The following SLCO3A1 variants were observed in gnomAD, a reference collection of about 807,000 sequenced individuals.
The protein encoded by SLCO3A1 is PGE1 transporter.
Under a neutral mutation model 63.1 loss-of-function variants are expected in SLCO3A1, and 27 were observed. The observed-to-expected ratio is 0.43, with a 90% CI of 0.32 to 0.59. SLCO3A1 has a LOEUF of 0.59. Among genes scored for constraint, SLCO3A1 ranks in the 20% least tolerant of loss-of-function variants. The probability of loss-of-function intolerance (pLI) is 0.09; values close to 1 mark genes in which losing one functional copy is unlikely to be tolerated. For synonymous variants in SLCO3A1, 473 were observed against 409.9 expected, an observed-to-expected ratio of 1.15 and a Z score of -1.86; for missense variants, 773 against 945.8, an observed-to-expected ratio of 0.82 and a Z score of 2.40.
intron 1 of SLCO3A1, among the ~76,000 whole-genome samples, chr15:91,857,576 CAT>C (rs1359425460): frequency 2.0e-5 from 3 of 152,162 alleles, no homozygotes; most frequent in African/African-American, 7.2e-5. Flanking sequence ...AAGGATGTAA[CAT>C]GTGCTTAAGT....
chr15:92,139,917 C>G (rs1305393628), intron 7 of SLCO3A1, among the ~76,000 whole-genome samples: 19 of 149,250 alleles, frequency 1.3e-4, no homozygotes, highest in African/African-American at 4.8e-4. Context: ...TTGATCCTTT[C>G]AAAAAACCAG....
At chr15:92,112,329 G>T (rs2047739115) in intron 4 of SLCO3A1, among the ~76,000 whole-genome samples, 1 of 152,200 alleles carries the variant, frequency 6.6e-6, no homozygotes. Flanking sequence ...TGCTCGTGGA[G>T]GCTTTTGTGA....
intron 7 of SLCO3A1, among the ~76,000 whole-genome samples, chr15:92,133,538 A>G (rs182281181): frequency 1.4e-5 from 2 of 145,436 alleles, no homozygotes; most frequent in East Asian, 3.9e-4. Context: ...CATCGCTCAC[A>G]TTACTGCCTG....
chr15:92,108,891 T>C (rs2047696461), intron 4 of SLCO3A1, among the ~76,000 whole-genome samples: 1 of 151,940 alleles, frequency 6.6e-6, no homozygotes, highest in Non-Finnish European at 1.5e-5. Flanking sequence ...TTCCTCTGAG[T>C]TCCACAGAAT....
At chr15:91,958,304 G>A (rs988320228) in intron 2 of SLCO3A1, among the ~76,000 whole-genome samples, 3 of 152,094 alleles carry the variant, frequency 2.0e-5, no homozygotes, top group Non-Finnish European at 2.9e-5. Flanking sequence ...TGACCCTGTC[G>A]CCTGTGTTAT....
intron 2 of SLCO3A1, among the ~76,000 whole-genome samples, chr15:91,949,900 G>A (rs1294136012): frequency 5.3e-5 from 8 of 152,044 alleles, no homozygotes; most frequent in African/African-American, 1.2e-4. Flanking sequence ...CCAGCTACTC[G>A]GGAGGCTGAG....
intron 2 of SLCO3A1, among the ~76,000 whole-genome samples, chr15:92,062,906 TC>T (rs1476428826): frequency 2.6e-5 from 4 of 152,172 alleles, no homozygotes; most frequent in Admixed American, 2.6e-4. Flanking sequence ...TGCAGGTCCC[TC>T]TCAGTAAGTC....
At chr15:92,132,352 T>C (rs1473456197) in intron 7 of SLCO3A1, among the ~76,000 whole-genome samples, 1 of 144,966 alleles carries the variant, frequency 6.9e-6, no homozygotes, top group South Asian at 2.2e-4. Context: ...TTTTTTATTT[T>C]CTTATATCTC....
intron 2 of SLCO3A1, among the ~76,000 whole-genome samples, chr15:92,081,007 G>T (rs1055885884): frequency 6.8e-6 from 1 of 147,594 alleles, no homozygotes; most frequent in Non-Finnish European, 1.5e-5. Flanking sequence ...GAGATTTTTT[G>T]ACACAGGCCT....
At chr15:92,065,852 G>A (rs1279520540) in intron 2 of SLCO3A1, among the ~76,000 whole-genome samples, 1 of 152,208 alleles carries the variant, frequency 6.6e-6, no homozygotes, top group East Asian at 1.9e-4. Context: ...AAGTGGAGAA[G>A]AAGTTATGTG....
chr15:92,016,254 T>TAGATATTTATA, intron 2 of SLCO3A1, among the ~76,000 whole-genome samples: 1 of 95,658 alleles, frequency 1.0e-5, no homozygotes, highest in South Asian at 4.0e-4. Context: ...GATAGATAGA[T>TAGATATTTATA]TAGATAGATA....
At chr15:91,890,900 T>C (rs145021629) in intron 1 of SLCO3A1, among the ~76,000 whole-genome samples, 1 of 152,340 alleles carries the variant, frequency 6.6e-6, no homozygotes, top group South Asian at 2.1e-4. Context: ...GGGTGGGGAC[T>C]GCCCATTCAT....
intron 2 of SLCO3A1, among the ~76,000 whole-genome samples, chr15:92,074,159 G>C (rs768371047): frequency 6.6e-6 from 1 of 152,194 alleles, no homozygotes; most frequent in Non-Finnish European, 1.5e-5. Flanking sequence ...CGACAAGAGT[G>C]AAACTCCTTC....
intron 2 of SLCO3A1, among the ~76,000 whole-genome samples, chr15:92,057,589 C>T (rs1387291716): frequency 1.3e-5 from 2 of 152,304 alleles, no homozygotes; most frequent in Non-Finnish European, 2.9e-5. Context: ...GATAGATTTT[C>T]CTCAGGCCCC....
chr15:91,952,257 GGATACTAGGCCA>G (rs1900024686), intron 2 of SLCO3A1, among the ~76,000 whole-genome samples: 2 of 152,186 alleles, frequency 1.3e-5, no homozygotes, highest in South Asian at 4.2e-4. Flanking sequence ...TGTATTTTCT[GGATACTAGGCCA>G]GATCTGTCAT....
intron 2 of SLCO3A1, among the ~76,000 whole-genome samples, chr15:92,047,466 TATATAA>T (rs1294197362): frequency 8.1e-5 from 2 of 24,710 alleles, no homozygotes; most frequent in African/African-American, 2.5e-4. Context: ...ATATATATAA[TATATAA>T]ATATATATAA....
At chr15:91,857,288 C>G (rs184927708) in intron 1 of SLCO3A1, among the ~76,000 whole-genome samples, 261 of 152,262 alleles carry the variant, frequency 1.7e-3, no homozygotes, top group Non-Finnish European at 2.4e-3. Flanking sequence ...ACTCAGTGAT[C>G]TAGATAAAGT....
chr15:91,957,323 G>T (rs1900276825), intron 2 of SLCO3A1, among the ~76,000 whole-genome samples: 1 of 148,384 alleles, frequency 6.7e-6, no homozygotes, highest in Non-Finnish European at 1.5e-5. Flanking sequence ...GTAGATTTCA[G>T]CCGCCAATGT....
intron 2 of SLCO3A1, among the ~76,000 whole-genome samples, chr15:91,935,169 G>A (rs1391340214): frequency 6.6e-6 from 1 of 152,162 alleles, no homozygotes; most frequent in Non-Finnish European, 1.5e-5. Context: ...GGCCAGGATG[G>A]TCTCGATCTC....
Sources: gnomAD v4.1 joint callset for allele counts (sites outside exome capture counted in the v4.1 genomes callset) on GRCh38, gnomAD v4.1.1 for gene constraint, MANE v1.5 for transcripts, NCBI Gene and HGNC (gene_info 2026-07-23, HGNC 2026-07-21) for gene names.